Variants in IGDCC4 observed in about 807,000 individuals in gnomAD.
IGDCC4 encodes the protein immunoglobulin superfamily DCC subclass member 4.
IGDCC4 carries 72 observed loss-of-function variants against 116.6 expected under a neutral mutation model. The observed-to-expected ratio is 0.62, with a 90% CI of 0.51 to 0.75. The LOEUF is 0.75. Ranked by LOEUF, IGDCC4 falls within the 30% of genes least tolerant of loss-of-function variation. The pLI is 0.00. For missense variants in IGDCC4, 1,501 were observed against 1,662.4 expected, an observed-to-expected ratio of 0.90 and a Z score of 1.69; for synonymous variants, 709 against 719.9, an observed-to-expected ratio of 0.98 and a Z score of 0.24.
At chr15:65,409,669 G>GA (rs1403794226) in intron 3 of IGDCC4, among the ~76,000 whole-genome samples, 1 of 152,344 alleles carries the variant, frequency 6.6e-6, no homozygotes, top group Admixed American at 6.5e-5. Flanking sequence ...AGAGGAGAGT[G>GA]AAAGAGGAAA....
chr15:65,405,686 C>G lies in IGDCC4; in HGVS notation c.564-3199G>C, dbSNP rs945326986. 2.0e-5 allele frequency among the ~76,000 whole-genome samples: 3 copies of G among 152,160 alleles called. No individual in the cohort carries two copies. The East Asian group carries it at 5.8e-4, about 29-fold the overall frequency. On this transcript the variant is annotated intron_variant, in intron 3 of 19. Transcript: ENST00000352385. Reference sequence around the variant, plus strand: ...CGTATTTCAAAAGACTGCAAGGAGACGCTCAAATTGGTAAAAGCTGTGTTC... The same window carrying G: ...CGTATTTCAAAAGACTGCAAGGAGAGGCTCAAATTGGTAAAAGCTGTGTTC...
rs1219356593 is a variant in IGDCC4, at chr15:65,402,506, G to A, written c.564-19C>T. ...GATGAGCCTTGGGAAGAGGGGAGCA[G>A]GCAACTGTGAGGTGGGCAGGGGGGC... is the stretch of plus-strand genomic sequence containing the variant. On this transcript the variant is annotated intron_variant, in intron 3 of 19. Coordinates refer to ENST00000352385, the MANE Select transcript of IGDCC4 (RefSeq NM_020962.3). 4 of 1,562,856 alleles carry A rather than the reference G, an allele frequency of 2.6e-6. No individual in the cohort carries two copies. The highest frequency in any genetic ancestry group is 3.5e-6 in the Non-Finnish European group (4 of 1,152,660).
chr15:65,385,730 C>T, intron 18 of IGDCC4, 101 bp downstream of exon 18: 1 of 1,000,820 alleles, frequency 1.0e-6, no homozygotes, highest in South Asian at 1.3e-5. Context: ...CAGCCGGCTC[C>T]GAAGAGGAGG....
intron 1 of IGDCC4, among the ~76,000 whole-genome samples, 164 bp downstream of exon 1, chr15:65,422,629 G>T (rs534161494): frequency 5.9e-5 from 9 of 151,332 alleles, no homozygotes; most frequent in African/African-American, 2.2e-4. Context: ...CCCCCCGGCC[G>T]CAGCTCGCAG....
At chr15:65,406,285 C>G (rs2063040548) in intron 3 of IGDCC4, among the ~76,000 whole-genome samples, 1 of 152,080 alleles carries the variant, frequency 6.6e-6, no homozygotes, top group Non-Finnish European at 1.5e-5. Context: ...GTTCAAGTTA[C>G]GAAAGAGCGA....
At position 65,388,856 on chromosome 15, in the gene IGDCC4, T is replaced by G; in HGVS notation, c.2659A>C (p.Ser887Arg). ...EIVEYLILYS[S>R]NHTQPEHQWT... is the part of the protein sequence containing the mutation. ...TGGTGCTCAGGCTGCGTGTGGTTGC[T>G]GCTGTACAGGATCAGATACTCCACG... Residue 887 changes from serine to arginine, a missense_variant, in exon 15 of 20, where the codon AGC becomes CGC. Coordinates refer to ENST00000352385, the MANE Select transcript of IGDCC4 (RefSeq NM_020962.3). 12 of 1,614,038 alleles carry G rather than the reference T, an allele frequency of 7.4e-6. No individual in the cohort carries two copies. Among genetic ancestry groups the G allele is most frequent in the Non-Finnish European group, 1.0e-5 (12 of 1,180,022 alleles).
intron 2 of IGDCC4, chr15:65,410,654 T>C (rs2063082397): frequency 2.2e-6 from 1 of 456,424 alleles, no homozygotes; most frequent in South Asian, 2.7e-5. Flanking sequence ...AGCGTGGGGT[T>C]TGGCTCCACA....
In IGDCC4 at chr15:65,411,597, C is replaced by A. The variant is rs1339881112; in HGVS notation, c.71-227G>T. On this transcript the variant is annotated intron_variant, in intron 1 of 19. Transcript: ENST00000352385. Reference sequence around the variant, plus strand: ...TCATAGCAGCATTATTCATAATAGCCAATGAGTGGAAACAACCCAAAAGCC... The same window carrying A: ...TCATAGCAGCATTATTCATAATAGCAAATGAGTGGAAACAACCCAAAAGCC... 2.0e-5 allele frequency among the ~76,000 whole-genome samples: 3 copies of A among 152,156 alleles called. No individual in the cohort carries two copies. In the East Asian group the frequency reaches 5.8e-4, roughly 29 times the overall value.
chr15:65,416,535 T>C (rs2063146272), intron 1 of IGDCC4, among the ~76,000 whole-genome samples: 1 of 152,198 alleles, frequency 6.6e-6, no homozygotes, highest in Admixed American at 6.5e-5. Flanking sequence ...ATAAAAGCGA[T>C]GCTCTGGGGA....
chr15:65,422,658 C>T (rs935880987), intron 1 of IGDCC4, 135 bp downstream of exon 1: 21 of 612,862 alleles, frequency 3.4e-5, no homozygotes, highest in Non-Finnish European at 4.3e-5. Context: ...GCAGGCATCG[C>T]GGGCACCTGG....
Position 65,387,489 on chromosome 15 carries a change from C to T in IGDCC4, c.2846-833G>A, listed in dbSNP as rs528587418. Among the ~76,000 whole-genome samples, 3 of 152,266 alleles carry T rather than the reference C, an allele frequency of 2.0e-5. No individual in the cohort carries two copies. In the South Asian group the frequency reaches 6.2e-4, roughly 32 times the overall value. ...TCAGCCTCCTGAGTAGTTGGGACTA[C>T]AGGCATCCACCACCACGCCCAGCTA... On this transcript the variant is annotated intron_variant, in intron 16 of 19. Transcript: ENST00000352385.
intron 5 of IGDCC4, among the ~76,000 whole-genome samples, chr15:65,397,434 G>T (rs2062938743): frequency 6.6e-6 from 1 of 152,146 alleles, no homozygotes; most frequent in African/African-American, 2.4e-5. Context: ...CATTTAAAAA[G>T]CCCTTGCCTT....
rs61038935 is a variant in IGDCC4, at chr15:65,422,237, C to A, written c.70+556G>T. On this transcript the variant is annotated intron_variant, in intron 1 of 19. Transcript: ENST00000352385. ...TTTATCACCACCACCCCCAGTCAAACGGGATCCATCGCTCTGTCCCCCACT... is the reference window on the plus strand; with the variant it reads ...TTTATCACCACCACCCCCAGTCAAAAGGGATCCATCGCTCTGTCCCCCACT... 2.2e-4 allele frequency among the ~76,000 whole-genome samples: 34 copies of A among 152,222 alleles called. No homozygotes were observed. In the Middle Eastern group the frequency reaches 0.01, roughly 46 times the overall value.
rs2091489075 is a variant in IGDCC4 at position 65,389,103 on chromosome 15, T to C, written c.2537-125A>G. Reference sequence around the variant, plus strand: ...AGCAAAGATGAGGTCTGGTTTCTAGTTGGGGAATTCTAGAAAACAGTATGT... The same window carrying C: ...AGCAAAGATGAGGTCTGGTTTCTAGCTGGGGAATTCTAGAAAACAGTATGT... On this transcript the variant is annotated intron_variant, in intron 14 of 19. Coordinates refer to ENST00000352385, the MANE Select transcript of IGDCC4 (RefSeq NM_020962.3). The C allele has an allele frequency of 1.1e-5, 12 of 1,085,120 alleles. No individual in the cohort carries two copies. In the Admixed American group the frequency reaches 1.4e-4, roughly 13 times the overall value. The allele number at this position is 1,085,120 out of a possible 1,614,324, so 67.2% of individuals were successfully genotyped here. A position where few individuals can be genotyped will look rare whatever the true frequency, so the allele number is the denominator to read the frequency against.
rs988772096 is a variant in IGDCC4, at chr15:65,396,121, G to A, written c.1040C>T (p.Thr347Met). ...CACGAAGCGCGCTGTGCTCGCCCGC[G>A]TCCGCGACAGCGCCTCGGGCGCCTG... is the stretch of plus-strand genomic sequence containing the variant. ...ITQAPEALSR[T>M]RASTARFVCR... Residue 347 changes from threonine to methionine, a missense_variant, in exon 7 of 20, where the codon ACG becomes ATG. By Grantham distance (81) the Thr-to-Met change is moderately conservative. This residue lies in a region of IGDCC4 where 898 missense variants were observed against 978.9 expected (regional missense o/e 0.92). Coordinates refer to ENST00000352385, the MANE Select transcript of IGDCC4 (RefSeq NM_020962.3). 2.3e-5 allele frequency: 34 copies of A among 1,454,950 alleles called. No homozygotes were observed. The highest frequency in any genetic ancestry group is 3.0e-5 in the Non-Finnish European group (33 of 1,110,712). 90.1% of individuals were successfully genotyped at this position (1,454,950 alleles called of 1,614,324 possible).
intron 7 of IGDCC4, 83 bp downstream of exon 7, chr15:65,395,667 C>T: frequency 7.4e-7 from 1 of 1,349,660 alleles, no homozygotes; most frequent in Non-Finnish European, 9.6e-7. Flanking sequence ...CATCAGGCAA[C>T]CCTTCAGTCA....
chr15:65,413,835 C>T (rs2063119874), intron 1 of IGDCC4, among the ~76,000 whole-genome samples: 2 of 152,204 alleles, frequency 1.3e-5, no homozygotes, highest in Non-Finnish European at 2.9e-5. Context: ...AGGAGACCCT[C>T]GGTTCTAGAT....
At chr15:65,411,413 C>T in intron 1 of IGDCC4, 43 bp from the exon 2 acceptor site, 3 of 1,459,282 alleles carry the variant, frequency 2.1e-6, no homozygotes, top group Non-Finnish European at 2.7e-6. Context: ...TATGTCCCCC[C>T]ACCTCCCACA....
chr15:65,385,512 C>T (rs899472147), intron 18 of IGDCC4: 13 of 541,618 alleles, frequency 2.4e-5, no homozygotes, highest in South Asian at 8.2e-5. Flanking sequence ...GGCCTCTTCT[C>T]CCCACACGGG....
Sources: gnomAD v4.1 joint callset for allele counts (sites outside exome capture counted in the v4.1 genomes callset) on GRCh38, gnomAD v4.1.1 for gene constraint, gnomAD v4.1.1 regional missense constraint, MANE v1.5 for transcripts, NCBI Gene and HGNC (gene_info 2026-07-23, HGNC 2026-07-21) for gene names.